PTGFRN: variants seen among roughly 807,000 people sequenced by gnomAD.
PTGFRN encodes prostaglandin F2 receptor negative regulator.
A neutral mutation model predicts 83.2 loss-of-function variants in PTGFRN; 35 were observed. The observed-to-expected ratio is 0.42, with a 90% confidence interval of 0.32 to 0.56. PTGFRN has a LOEUF of 0.56. Ranked by LOEUF, PTGFRN falls within the 20% of genes least tolerant of loss-of-function variation. The pLI, the probability that PTGFRN is intolerant of heterozygous loss-of-function variation, is 0.11. For synonymous variants in PTGFRN, 519 were observed against 498.6 expected (o/e 1.04, Z -0.55); for missense variants, 1,051 against 1,179.5 (o/e 0.89, Z 1.60).
intron 6 of PTGFRN, 42 bp downstream of exon 6, chr1:116,967,372 A>C (rs1482305627): frequency 6.4e-7 from 1 of 1,565,560 alleles, no homozygotes; most frequent in Admixed American, 1.8e-5. Context: ...GAGCTAGAAG[A>C]GACCCTAGGG....
At chr1:116,915,124 G>A (rs942067423) in intron 1 of PTGFRN, among the ~76,000 whole-genome samples, 1 of 152,224 alleles carries the variant, frequency 6.6e-6, no homozygotes, top group Non-Finnish European at 1.5e-5. Context: ...CTCTGCTAAG[G>A]AAAAGTTTAC....
In PTGFRN at chr1:116,941,651, C is replaced by T; in HGVS notation, c.50-64C>T. On this transcript the variant is annotated intron_variant, in intron 1 of 8. Coordinates refer to ENST00000393203, the MANE Select transcript of PTGFRN (RefSeq NM_020440.4). This position sits in a 1 kb window ranked among gnomAD's most constrained non-coding sequence, Gnocchi z 5.0. Reference sequence around the variant, plus strand: ...GTGAGCAGGAGCATCCACAGGTTTGCCACATTTGTCCTGGGAAGACTTTCT... The same window carrying T: ...GTGAGCAGGAGCATCCACAGGTTTGTCACATTTGTCCTGGGAAGACTTTCT... 1 of 1,537,720 alleles carries T rather than the reference C, an allele frequency of 6.5e-7. No homozygotes were observed.
At chr1:116,983,903 C>T (rs1200739539) in intron 7 of PTGFRN, among the ~76,000 whole-genome samples, 1 of 152,194 alleles carries the variant, frequency 6.6e-6, no homozygotes, top group Non-Finnish European at 1.5e-5. Context: ...AGGTCAAGGG[C>T]TTATGATGTG....
rs1295318050 is a variant in PTGFRN, at chr1:116,945,010, C to T, written c.750C>T (p.Ser250=). The T allele has an allele frequency of 5.6e-6, 9 of 1,613,792 alleles. No individual in the cohort carries two copies. Among genetic ancestry groups the T allele is most frequent in the Non-Finnish European group, 7.6e-6 (9 of 1,180,022 alleles). ...ADQGSYRCIV[S]EWIAEQGNWQ... is the part of the protein sequence containing the mutation. The stretch of plus-strand genomic sequence containing the variant: ...AGGGCTCCTACAGGTGTATCGTCAG[C>T]GAGTGGATCGCCGAGCAGGGCAACT... Residue 250 remains serine (S), a synonymous_variant, in exon 3 of 9, where the codon AGC becomes AGT. Transcript: ENST00000393203.
intron 6 of PTGFRN, among the ~76,000 whole-genome samples, chr1:116,969,889 GTTTA>G (rs1402360042): frequency 3.3e-5 from 5 of 152,036 alleles, no homozygotes; most frequent in Non-Finnish European, 4.4e-5. Context: ...TTTTTGGCTT[GTTTA>G]TTCATTGCAG....
At chr1:116,957,748 C>T (rs577957450) in intron 4 of PTGFRN, among the ~76,000 whole-genome samples, 1 of 152,104 alleles carries the variant, frequency 6.6e-6, no homozygotes, top group Non-Finnish European at 1.5e-5. Flanking sequence ...TGAAATTTTG[C>T]GTCCTTTGCC....
chr1:116,986,813 T>C lies in PTGFRN; in HGVS notation c.2486T>C (p.Phe829Ser). 6.2e-7 allele frequency: 1 copy of C among 1,614,124 alleles called. No homozygotes were observed. Among genetic ancestry groups the C allele is most frequent in the Non-Finnish European group, 8.5e-7 (1 of 1,180,004 alleles). ...CTCTCCCTCCCAGTGCTGAACGCCT[T>C]CAAGTATCCCTTGCTGATCGGCGTC... ...ITVKMDVLNA[F>S]KYPLLIGVGL... Residue 829 changes from phenylalanine to serine, a missense_variant, in exon 9 of 9, where the codon TTC becomes TCC. Transcript: ENST00000393203.
In PTGFRN at chr1:116,941,744, C is replaced by G; in HGVS notation, c.79C>G (p.Pro27Ala). 6.2e-7 allele frequency: 1 copy of G among 1,613,680 alleles called. No individual in the cohort carries two copies. The highest frequency in any genetic ancestry group is 8.5e-7 in the Non-Finnish European group (1 of 1,179,782). The change falls in exon 2 of 9, where the codon CCC (proline) becomes GCC (alanine). Residue 27 changes from proline to alanine, a missense_variant. This residue lies in a region of PTGFRN where 127 missense variants were observed against 168.4 expected (regional missense o/e 0.75). Transcript: ENST00000393203. This position sits in a 1 kb window ranked among gnomAD's most constrained non-coding sequence, Gnocchi z 5.0. ...TTGCCGAGGGCGTGTGGTGAGAGTC[C>G]CCACAGCGACCCTGGTTCGAGTGGT... ...ALCRGRVVRV[P>A]TATLVRVVGT...
At chr1:116,979,160 C>G (rs1036306739) in intron 7 of PTGFRN, among the ~76,000 whole-genome samples, 3 of 152,112 alleles carry the variant, frequency 2.0e-5, no homozygotes, top group South Asian at 4.1e-4. Context: ...ATCCAACTTA[C>G]AAGGGATGTG....
chr1:116,986,480 G>A (rs991600340), intron 8 of PTGFRN, among the ~76,000 whole-genome samples: 3 of 152,138 alleles, frequency 2.0e-5, no homozygotes, highest in Admixed American at 6.5e-5. Context: ...CTGAACGTGC[G>A]GTGCCCTTAT....
intron 1 of PTGFRN, among the ~76,000 whole-genome samples, chr1:116,940,672 C>G (rs1271685732): frequency 6.6e-6 from 1 of 152,208 alleles, no homozygotes; most frequent in African/African-American, 2.4e-5. Flanking sequence ...ATTTCATTAA[C>G]TCAGTGAAGC....
chr1:116,929,527 A>G lies in PTGFRN; in HGVS notation c.50-12188A>G, dbSNP rs538084129. Among the ~76,000 whole-genome samples the G allele has an allele frequency of 3.2e-4, 48 of 152,206 alleles. 1 individual carries two copies. The highest frequency in any genetic ancestry group is 1.1e-3 in the African/African-American group (47 of 41,538). ...AGTGATCTTTTTTTTCTGTACTTTA[A>G]ACACCCAAGCTTGCTCCATCACAGT... On this transcript the variant is annotated intron_variant, in intron 1 of 8. Transcript: ENST00000393203.
intron 7 of PTGFRN, among the ~76,000 whole-genome samples, chr1:116,978,669 A>G (rs1389487022): frequency 6.6e-6 from 1 of 152,240 alleles, no homozygotes; most frequent in Non-Finnish European, 1.5e-5. Context: ...ACAAAATTCA[A>G]CAGTCCTTCA....
At position 116,920,706 on chromosome 1, in the gene PTGFRN, C is replaced by T. The variant is rs140516704; in HGVS notation, c.49+10454C>T. The stretch of plus-strand genomic sequence containing the variant: ...TGGGGCAATCTTGGCTCATTGCAAC[C>T]ACTGCCTCCCGGGTTCAAGCAATTC... On this transcript the variant is annotated intron_variant, in intron 1 of 8. Transcript: ENST00000393203. Among the ~76,000 whole-genome samples, 159 of 152,272 alleles carry T rather than the reference C, an allele frequency of 1.0e-3. 5 individuals are homozygous for T. The South Asian group carries it at 0.027, about 26-fold the overall frequency.
intron 1 of PTGFRN, among the ~76,000 whole-genome samples, chr1:116,916,224 GA>G (rs1293583015): frequency 5.3e-5 from 8 of 152,268 alleles, no homozygotes; most frequent in South Asian, 2.1e-4. Context: ...GCTGGAATGT[GA>G]AAATATTTAC....
chr1:116,989,596 T>C lies in PTGFRN; in HGVS notation c.*2629T>C, dbSNP rs933764601. ...AGGAACTTTATAAAAGTTTGGGATTTTTTTTCCTAATCATAAAAATAGCCC... is the reference window on the plus strand; with the variant it reads ...AGGAACTTTATAAAAGTTTGGGATTCTTTTTCCTAATCATAAAAATAGCCC... On this transcript the variant is annotated 3_prime_UTR_variant, in exon 9 of 9. Transcript: ENST00000393203. The C allele has an allele frequency of 1.3e-5, 2 of 152,732 alleles. No homozygotes were observed. Among genetic ancestry groups the C allele is most frequent in the African/African-American group, 4.8e-5 (2 of 41,554 alleles). The allele number at this position is 152,732 out of a possible 1,614,324, so 9.5% of individuals were successfully genotyped here. A position where few individuals can be genotyped will look rare whatever the true frequency, so the allele number is the denominator to read the frequency against.
chr1:116,948,071 C>G (rs566485662), intron 3 of PTGFRN, among the ~76,000 whole-genome samples: 41 of 152,276 alleles, frequency 2.7e-4, no homozygotes, highest in African/African-American at 9.9e-4. Flanking sequence ...TGAATTGGGT[C>G]CCTGAGCTTA....
rs1470545869 is a variant in PTGFRN, at chr1:116,926,650, A to G, written c.50-15065A>G. On this transcript the variant is annotated intron_variant, in intron 1 of 8. Coordinates refer to ENST00000393203, the MANE Select transcript of PTGFRN (RefSeq NM_020440.4). ...TCAAGGTTGAATATTAAATCATATG[A>G]ACAGGATTTGCAAACTATAAAGCAA... is the stretch of plus-strand genomic sequence containing the variant. Among the ~76,000 whole-genome samples, 5 of 152,180 alleles carry G rather than the reference A, an allele frequency of 3.3e-5. 1 individual carries two copies. Among genetic ancestry groups the G allele is most frequent in the Non-Finnish European group, 7.3e-5 (5 of 68,046 alleles).
intron 6 of PTGFRN, 86 bp from the exon 7 acceptor site, chr1:116,974,130 C>T (rs1570676157): frequency 9.7e-7 from 1 of 1,032,728 alleles, no homozygotes; most frequent in South Asian, 1.5e-5. Context: ...AAGAGAACCA[C>T]ATTTTGATGC....
Sources: allele counts gnomAD v4.1 joint callset (sites outside exome capture counted in the v4.1 genomes callset), GRCh38; gene constraint gnomAD v4.1.1; regional missense constraint gnomAD v4.1.1; non-coding constraint Gnocchi (gnomAD v3.1); transcripts MANE v1.5; gene names NCBI Gene and HGNC (gene_info 2026-07-23, HGNC 2026-07-21).